The following MYOF variants were observed in gnomAD, a reference collection of about 807,000 sequenced individuals.
MYOF encodes the protein fer-1-like 3, myoferlin.
In MYOF, 244 loss-of-function variants were observed where a neutral mutation model predicts 284.2. The observed-to-expected ratio is 0.86, with a 90% confidence interval of 0.77 to 0.95. MYOF has a LOEUF of 0.95. Among genes scored for constraint, MYOF ranks in the 40% least tolerant of loss-of-function variants. The pLI is 0.00. For synonymous variants in MYOF, 904 were observed against 919.7 expected, an observed-to-expected ratio of 0.98 and a Z score of 0.31; for missense variants, 2,496 against 2,560.6, an observed-to-expected ratio of 0.97 and a Z score of 0.54.
Position 93,351,786 on chromosome 10 carries a change from GT to G in MYOF, c.3541del (p.Thr1181ProfsTer2). The G allele has an allele frequency of 6.3e-7, 1 of 1,596,868 alleles. No individual in the cohort carries two copies. Among genetic ancestry groups the G allele is most frequent in the Non-Finnish European group, 8.5e-7 (1 of 1,176,110 alleles). The stretch of plus-strand genomic sequence containing the variant: ...TGTTTGGTCCCACGTGGGATTCAGG[GT>G]TGAATGGATGATCTCAGTGGTTTTG... The part of the protein sequence containing the change: ...RSKTTEIIHS[T>X]LNPTWDQTII... On this transcript the variant is annotated frameshift_variant, in exon 33 of 54. Coordinates refer to ENST00000359263, the MANE Select transcript of MYOF (RefSeq NM_013451.4). LOFTEE classifies it high-confidence loss of function.
intron 20 of MYOF, 59 bp from the exon 21 acceptor site, chr10:93,380,046 A>G (rs55951919): frequency 1.3e-6 from 2 of 1,578,122 alleles, no homozygotes; most frequent in East Asian, 2.3e-5. Context: ...CAGCATGTTT[A>G]TTAAAGAGAT....
intron 1 of MYOF, among the ~76,000 whole-genome samples, chr10:93,461,719 A>T (rs1311810608): frequency 3.3e-5 from 5 of 152,190 alleles, no homozygotes; most frequent in African/African-American, 1.2e-4. Flanking sequence ...TAGGGGGCAA[A>T]CGGGCTTTGT....
rs537344349 is a variant in MYOF, at chr10:93,347,545, C to T, written c.4249+72G>A. The stretch of plus-strand genomic sequence containing the variant: ...CCGCAGTCCGGCCTGGGCGACAGAG[C>T]GAGACTCCGTCTCAAAAAAAAAAAA... On this transcript the variant is annotated intron_variant, in intron 37 of 53. Transcript: ENST00000359263. The T allele has an allele frequency of 7.2e-5, 70 of 966,080 alleles. No individual in the cohort carries two copies. In the East Asian group the frequency reaches 2.2e-3, roughly 30 times the overall value. 59.8% of individuals were successfully genotyped at this position (966,080 alleles called of 1,614,324 possible).
rs573205416 is a variant in MYOF at position 93,457,996 on chromosome 10, A to ACTTT, written c.89-1060_89-1059insAAAG. The stretch of plus-strand genomic sequence containing the variant: ...TGAGCTCAAGTGATCCACCTGCCTC[A>ACTTT]GCCTCCCAAAGTGCTGGGATTACAG... On this transcript the variant is annotated intron_variant, in intron 1 of 53. Coordinates refer to ENST00000359263, the MANE Select transcript of MYOF (RefSeq NM_013451.4). 9.6e-3 allele frequency among the ~76,000 whole-genome samples: 1,457 copies of ACTTT among 151,270 alleles called. 24 individuals are homozygous for ACTTT. The highest frequency in any genetic ancestry group is 0.034 in the African/African-American group (1,394 of 41,176).
intron 1 of MYOF, among the ~76,000 whole-genome samples, chr10:93,461,457 G>A (rs2056881104): frequency 6.6e-6 from 1 of 152,172 alleles, no homozygotes; most frequent in South Asian, 2.1e-4. Context: ...GCTATCAGAG[G>A]GGTATCAATG....
At position 93,461,591 on chromosome 10, in the gene MYOF, C is replaced by T. The variant is rs569631273; in HGVS notation, c.89-4654G>A. Reference sequence around the variant, plus strand: ...AAAATGTGGAGCCAGAAGACGAGCTCACTCCAGTAGACACAATAGGGTGGG... The same window carrying T: ...AAAATGTGGAGCCAGAAGACGAGCTTACTCCAGTAGACACAATAGGGTGGG... On this transcript the variant is annotated intron_variant, in intron 1 of 53. Coordinates refer to ENST00000359263, the MANE Select transcript of MYOF (RefSeq NM_013451.4). Among the ~76,000 whole-genome samples, 182 of 152,240 alleles carry T rather than the reference C, an allele frequency of 1.2e-3. 2 individuals are homozygous for T. Among genetic ancestry groups the T allele is most frequent in the African/African-American group, 4.0e-3 (168 of 41,530 alleles).
At chr10:93,414,932 C>CG (rs959011968) in intron 5 of MYOF, among the ~76,000 whole-genome samples, 2 of 151,970 alleles carry the variant, frequency 1.3e-5, no homozygotes, top group African/African-American at 4.8e-5. Flanking sequence ...TTAGTAGAGA[C>CG]GGGGTTTCGC....
rs750102213 is a variant in MYOF, at chr10:93,310,625, A to G, written c.5908T>C (p.Leu1970=). The G allele has an allele frequency of 2.9e-5, 46 of 1,614,008 alleles. No individual in the cohort carries two copies. In the Middle Eastern group the frequency reaches 8.2e-4, roughly 29 times the overall value. The part of the protein sequence containing the change: ...RVMAGKVEMT[L]EILNEKEADE... ...GCCTCCTTCTCGTTGAGGATTTCCAATGTCATCTCCACTTTCCCCTTCAGT... is the reference window on the plus strand; with the variant it reads ...GCCTCCTTCTCGTTGAGGATTTCCAGTGTCATCTCCACTTTCCCCTTCAGT... The change falls in exon 52 of 54, where the codon TTG becomes CTG. Residue 1970 remains leucine (L), a synonymous_variant. Transcript: ENST00000359263.
chr10:93,442,531 C>CT (rs35191662), intron 3 of MYOF, among the ~76,000 whole-genome samples: 49,847 of 152,070 alleles, frequency 0.33, 10,643 homozygotes, highest in Non-Finnish European at 0.46. Flanking sequence ...ACATTTCCTT[C>CT]TAGGTATATT....
intron 3 of MYOF, among the ~76,000 whole-genome samples, chr10:93,446,441 A>G (rs755211849): frequency 1.3e-5 from 2 of 152,196 alleles, no homozygotes; most frequent in Non-Finnish European, 2.9e-5. Context: ...AGTGCCTTGA[A>G]GCAGGACCTT....
At chr10:93,469,622 C>T (rs2057091452) in intron 1 of MYOF, among the ~76,000 whole-genome samples, 1 of 152,218 alleles carries the variant, frequency 6.6e-6, no homozygotes, top group South Asian at 2.1e-4. Flanking sequence ...GCCCTCAGGG[C>T]TGGCTTTGTC....
chr10:93,466,287 G>A (rs1198319035), intron 1 of MYOF, among the ~76,000 whole-genome samples: 4 of 152,280 alleles, frequency 2.6e-5, no homozygotes, highest in South Asian at 4.1e-4. Flanking sequence ...TTTTGGGCAA[G>A]TGGCAACAGG....
At chr10:93,326,684 GCGTGATCT>G (rs1272877527) in intron 45 of MYOF, among the ~76,000 whole-genome samples, 1 of 152,228 alleles carries the variant, frequency 6.6e-6, no homozygotes, top group Non-Finnish European at 1.5e-5. Flanking sequence ...GAGTGCAATG[GCGTGATCT>G]CGGCTCACTG....
chr10:93,435,819 A>G (rs538824965), intron 3 of MYOF, among the ~76,000 whole-genome samples: 1 of 152,138 alleles, frequency 6.6e-6, no homozygotes, highest in Admixed American at 6.6e-5. Flanking sequence ...GGCTCACACC[A>G]GTAGCCCCAG....
intron 1 of MYOF, among the ~76,000 whole-genome samples, chr10:93,475,874 G>A (rs1283428916): frequency 6.6e-6 from 1 of 152,200 alleles, no homozygotes; most frequent in Non-Finnish European, 1.5e-5. Context: ...GGCCATTGTA[G>A]CTTTATAGAT....
chr10:93,307,778 A>C (rs1487248583), intron 53 of MYOF, among the ~76,000 whole-genome samples: 1 of 150,182 alleles, frequency 6.7e-6, no homozygotes, highest in Non-Finnish European at 1.5e-5. Flanking sequence ...GCGCCCACCA[A>C]CACGCTCTGC....
intron 1 of MYOF, among the ~76,000 whole-genome samples, chr10:93,475,415 A>G (rs993694532): frequency 2.0e-5 from 3 of 152,158 alleles, no homozygotes; most frequent in African/African-American, 7.2e-5. Flanking sequence ...TTATACACCA[A>G]TTTGCCCCCA....
At chr10:93,351,971 G>C in intron 32 of MYOF, 125 bp from the exon 33 acceptor site, 1 of 886,666 alleles carries the variant, frequency 1.1e-6, no homozygotes, top group Non-Finnish European at 1.6e-6. Flanking sequence ...CCTGCCTGGA[G>C]ATAGGGTTTC....
chr10:93,469,257 C>G (rs910743431), intron 1 of MYOF, among the ~76,000 whole-genome samples: 1 of 152,018 alleles, frequency 6.6e-6, no homozygotes, highest in African/African-American at 2.4e-5. Context: ...AAAAATTAGC[C>G]GGGCATGGTG....
Sources: gnomAD v4.1 joint callset for allele counts (sites outside exome capture counted in the v4.1 genomes callset) on GRCh38, gnomAD v4.1.1 for gene constraint, MANE v1.5 for transcripts, NCBI Gene and HGNC (gene_info 2026-07-23, HGNC 2026-07-21) for gene names.